PTPRG: variants seen among roughly 807,000 people sequenced by gnomAD.
PTPRG encodes receptor-type tyrosine-protein phosphatase gamma.
A neutral mutation model predicts 165.3 loss-of-function variants in PTPRG; 102 were observed. The observed-to-expected ratio is 0.62, with a 90% CI of 0.53 to 0.73. PTPRG has a LOEUF of 0.73. PTPRG is among the 30% of genes least tolerant of loss of function. The probability of loss-of-function intolerance (pLI) is 0.00; values close to 1 mark genes in which losing one functional copy is unlikely to be tolerated. For missense variants in PTPRG, 1,866 were observed against 1,861.4 expected, an observed-to-expected ratio of 1.00 and a Z score of -0.05; for synonymous variants, 675 against 669.5, an observed-to-expected ratio of 1.01 and a Z score of -0.13.
At chr3:62,258,743 A>G (rs1443755999) in intron 16 of PTPRG, among the ~76,000 whole-genome samples, 1 of 152,200 alleles carries the variant, frequency 6.6e-6, no homozygotes, top group Admixed American at 6.5e-5. Context: ...GTCACTAGAA[A>G]TAACATCAGT....
intron 28 of PTPRG, among the ~76,000 whole-genome samples, chr3:62,288,373 A>C (rs913607192): frequency 6.6e-6 from 1 of 152,156 alleles, no homozygotes; most frequent in Non-Finnish European, 1.5e-5. Flanking sequence ...CTGTAGCTAC[A>C]TTAAAAACAT....
intron 2 of PTPRG, among the ~76,000 whole-genome samples, chr3:61,894,275 C>T (rs2038290571): frequency 7.8e-6 from 1 of 128,900 alleles, no homozygotes. Context: ...TCACTCCAGC[C>T]CGGGCAACAG....
intron 5 of PTPRG, among the ~76,000 whole-genome samples, chr3:62,118,713 A>G (rs1275241953): frequency 6.6e-6 from 1 of 152,232 alleles, no homozygotes; most frequent in East Asian, 1.9e-4. Context: ...TGGTCTGTAT[A>G]CAGTGGAAAA....
chr3:62,126,309 A>C (rs963835636), intron 5 of PTPRG, among the ~76,000 whole-genome samples: 1 of 152,186 alleles, frequency 6.6e-6, no homozygotes, highest in Non-Finnish European at 1.5e-5. Flanking sequence ...CATTTCCTCA[A>C]GTGGCCTTCT....
chr3:61,669,294 A>G (rs1702899089), intron 1 of PTPRG, among the ~76,000 whole-genome samples: 1 of 152,058 alleles, frequency 6.6e-6, no homozygotes. Flanking sequence ...TTGAGACATT[A>G]TGAGTTGTTC....
intron 4 of PTPRG, among the ~76,000 whole-genome samples, chr3:62,027,420 C>A (rs933480432): frequency 1.3e-5 from 2 of 152,122 alleles, no homozygotes; most frequent in South Asian, 2.1e-4. Context: ...CCTGCCACCC[C>A]ACCATCCCCT....
At chr3:61,856,317 C>T (rs2037104448) in intron 2 of PTPRG, among the ~76,000 whole-genome samples, 1 of 151,946 alleles carries the variant, frequency 6.6e-6, no homozygotes, top group Admixed American at 6.6e-5. Context: ...TTCCCATTTC[C>T]CACCGCCCCG....
rs538655540 is a variant in PTPRG, at chr3:62,055,258, C to A, written c.520-22905C>A. Among the ~76,000 whole-genome samples, 3 of 152,196 alleles carry A rather than the reference C, an allele frequency of 2.0e-5. No homozygotes were observed. In the East Asian group the frequency reaches 5.8e-4, roughly 29 times the overall value. On this transcript the variant is annotated intron_variant, in intron 4 of 29. Coordinates refer to ENST00000474889, the MANE Select transcript of PTPRG (RefSeq NM_002841.4). ...CATTATACTCATTTTAAAGATGATA[C>A]CATACTTAGTTTTCTATGTTTTGGA...
intron 13 of PTPRG, among the ~76,000 whole-genome samples, chr3:62,230,032 C>G (rs1173816911): frequency 2.0e-5 from 3 of 152,240 alleles, no homozygotes; most frequent in African/African-American, 7.2e-5. Flanking sequence ...CATAGCCACA[C>G]TGAGTATATC....
intron 1 of PTPRG, among the ~76,000 whole-genome samples, chr3:61,685,174 C>G (rs140046723): frequency 6.6e-6 from 1 of 152,194 alleles, no homozygotes; most frequent in African/African-American, 2.4e-5. Flanking sequence ...AATGTGCTTG[C>G]ACTTACTATG....
intron 2 of PTPRG, among the ~76,000 whole-genome samples, chr3:61,964,990 T>G (rs1252175383): frequency 6.6e-6 from 1 of 151,966 alleles, no homozygotes; most frequent in African/African-American, 2.4e-5. Context: ...CGCCTGTAAT[T>G]CCAGCACTTT....
At chr3:62,117,667 C>T (rs965129879) in intron 5 of PTPRG, among the ~76,000 whole-genome samples, 1 of 152,138 alleles carries the variant, frequency 6.6e-6, no homozygotes, top group Non-Finnish European at 1.5e-5. Context: ...AGTATATCTT[C>T]AAACAAAACA....
At chr3:62,181,089 A>T (rs1188757507) in intron 8 of PTPRG, among the ~76,000 whole-genome samples, 1 of 152,156 alleles carries the variant, frequency 6.6e-6, no homozygotes, top group Non-Finnish European at 1.5e-5. Context: ...GGAAAGGGAG[A>T]TGTCATTGTA....
At chr3:62,218,450 G>A (rs999613714) in intron 12 of PTPRG, among the ~76,000 whole-genome samples, 2 of 152,164 alleles carry the variant, frequency 1.3e-5, no homozygotes, top group Non-Finnish European at 2.9e-5. Flanking sequence ...TTGCCCTAGA[G>A]AACCTGAGAG....
intron 2 of PTPRG, among the ~76,000 whole-genome samples, chr3:61,887,170 A>ATATATATTTTTTTTTTT (rs60282456): frequency 2.6e-5 from 3 of 115,528 alleles, no homozygotes; most frequent in Admixed American, 9.3e-5. Context: ...ATATATATAT[A>ATATATATTTTTTTTTTT]TTTTTAATGC....
chr3:61,831,259 G>A (rs565204505), intron 2 of PTPRG, among the ~76,000 whole-genome samples: 9 of 152,296 alleles, frequency 5.9e-5, no homozygotes, highest in Non-Finnish European at 1.2e-4. Flanking sequence ...AAATATGTGT[G>A]TAAACATCTG....
chr3:61,595,188 T>G (rs114577942), intron 1 of PTPRG, among the ~76,000 whole-genome samples: 1 of 151,370 alleles, frequency 6.6e-6, no homozygotes, highest in Non-Finnish European at 1.5e-5. Context: ...TGTGTTTGTT[T>G]TTTTTTTTTT....
At chr3:61,575,124 TGTG>T (rs2106782909) in intron 1 of PTPRG, among the ~76,000 whole-genome samples, 1 of 152,322 alleles carries the variant, frequency 6.6e-6, no homozygotes, top group East Asian at 1.9e-4. Context: ...TATTTTAGGA[TGTG>T]GTTTTTAGAA....
At chr3:61,769,912 C>T (rs372472461) in intron 2 of PTPRG, 19 of 152,030 alleles carry the variant, frequency 1.2e-4, no homozygotes, top group African/African-American at 4.1e-4. Flanking sequence ...CAGGGGCAGA[C>T]TCCTTTTTGG....
Sources: allele counts gnomAD v4.1 joint callset (sites outside exome capture counted in the v4.1 genomes callset), GRCh38; gene constraint gnomAD v4.1.1; transcripts MANE v1.5; gene names NCBI Gene and HGNC (gene_info 2026-07-23, HGNC 2026-07-21).